MAGI2: variants seen among roughly 807,000 people sequenced by gnomAD.
The protein encoded by MAGI2 is membrane associated guanylate kinase, WW and PDZ domain containing 2.
In MAGI2, 35 loss-of-function variants were observed where a neutral mutation model predicts 133.3. The ratio of observed to expected loss-of-function variants is 0.26; its 90% CI spans 0.20 to 0.35. MAGI2 has a LOEUF of 0.35. Ranked by LOEUF, MAGI2 falls within the 10% of genes least tolerant of loss-of-function variation. MAGI2 has a pLI of 1.00. For synonymous variants in MAGI2, 729 were observed against 710.6 expected, an observed-to-expected ratio of 1.03 and a Z score of -0.41; for missense variants, 1,636 against 1,863.4, an observed-to-expected ratio of 0.88 and a Z score of 2.25.
At chr7:78,204,162 T>C (rs1253931712) in intron 10 of MAGI2, among the ~76,000 whole-genome samples, 1 of 152,218 alleles carries the variant, frequency 6.6e-6, no homozygotes, top group Non-Finnish European at 1.5e-5. Flanking sequence ...CCACACTCCA[T>C]GTGAATGGAA....
rs544133173 is a variant in MAGI2 at position 79,426,921 on chromosome 7, C to T, written c.301+26099G>A. 1.1e-4 allele frequency among the ~76,000 whole-genome samples: 17 copies of T among 152,102 alleles called. No homozygotes were observed. The East Asian group carries it at 3.3e-3, about 29-fold the overall frequency. ...AAATTAGGGCACTTCAACCTGTATGCCTGGATGGTTCTGCAGTTAGTTTTA... is the reference window on the plus strand; with the variant it reads ...AAATTAGGGCACTTCAACCTGTATGTCTGGATGGTTCTGCAGTTAGTTTTA... On this transcript the variant is annotated intron_variant, in intron 1 of 21. Coordinates refer to ENST00000354212, the MANE Select transcript of MAGI2 (RefSeq NM_012301.4).
At chr7:79,264,820 T>C (rs1834328197) in intron 1 of MAGI2, among the ~76,000 whole-genome samples, 4 of 151,642 alleles carry the variant, frequency 2.6e-5, no homozygotes, top group Non-Finnish European at 5.9e-5. Flanking sequence ...AGCCGGAGTG[T>C]ACAGAGGTCA....
intron 2 of MAGI2, among the ~76,000 whole-genome samples, chr7:78,969,451 G>A (rs1025159635): frequency 6.6e-6 from 1 of 152,004 alleles, no homozygotes; most frequent in Non-Finnish European, 1.5e-5. Flanking sequence ...CCAAGTGTGT[G>A]TTCGTGTCAT....
chr7:78,124,743 A>G (rs1346401433), intron 20 of MAGI2, among the ~76,000 whole-genome samples: 1 of 152,144 alleles, frequency 6.6e-6, no homozygotes, highest in East Asian at 1.9e-4. Context: ...TATTGTTAAC[A>G]AGCTTTGTTT....
At chr7:78,077,387 G>A (rs1055214973) in intron 21 of MAGI2, among the ~76,000 whole-genome samples, 6 of 149,244 alleles carry the variant, frequency 4.0e-5, no homozygotes, top group African/African-American at 1.5e-4. Context: ...GCAGGATCAT[G>A]CCTGTGCTTA....
At chr7:78,810,686 A>C (rs1434223778) in intron 2 of MAGI2, among the ~76,000 whole-genome samples, 5 of 152,086 alleles carry the variant, frequency 3.3e-5, no homozygotes, top group Non-Finnish European at 5.9e-5. Context: ...AGATAATGAC[A>C]ACATGACTCC....
At chr7:79,344,855 ATT>A (rs1841190579) in intron 1 of MAGI2, among the ~76,000 whole-genome samples, 1 of 152,080 alleles carries the variant, frequency 6.6e-6, no homozygotes, top group African/African-American at 2.4e-5. Flanking sequence ...AAGAGTTGAT[ATT>A]AGGGGAGTCA....
chr7:78,143,374 AC>A (rs1822960369), intron 16 of MAGI2, among the ~76,000 whole-genome samples: 1 of 152,176 alleles, frequency 6.6e-6, no homozygotes, highest in Non-Finnish European at 1.5e-5. Flanking sequence ...ATGCAAATCT[AC>A]CTTTTAAAGG....
intron 2 of MAGI2, among the ~76,000 whole-genome samples, chr7:78,832,470 G>T (rs972335086): frequency 1.3e-5 from 2 of 152,024 alleles, no homozygotes; most frequent in African/African-American, 4.8e-5. Context: ...TGTAAGGGCG[G>T]GTGGAAATAA....
At chr7:79,452,726 C>T (rs1246622018) in intron 1 of MAGI2, among the ~76,000 whole-genome samples, 1 of 152,142 alleles carries the variant, frequency 6.6e-6, no homozygotes, top group South Asian at 2.1e-4. Context: ...CACTGACGCA[C>T]ATTCAATTTG....
intron 2 of MAGI2, among the ~76,000 whole-genome samples, chr7:78,665,223 A>G (rs1813421805): frequency 6.6e-6 from 1 of 152,156 alleles, no homozygotes; most frequent in Non-Finnish European, 1.5e-5. Flanking sequence ...GATACGTGGT[A>G]TCAAATTTTT....
intron 1 of MAGI2, among the ~76,000 whole-genome samples, chr7:79,446,652 G>A (rs1183271201): frequency 1.3e-5 from 2 of 152,084 alleles, no homozygotes; most frequent in Non-Finnish European, 2.9e-5. Context: ...ATGGATCTTT[G>A]AAAGTATATC....
At position 78,139,493 on chromosome 7, in the gene MAGI2, C is replaced by T. The variant is rs77234516; in HGVS notation, c.2846-4287G>A. 3.0e-4 allele frequency among the ~76,000 whole-genome samples: 45 copies of T among 152,282 alleles called. No individual in the cohort carries two copies. In the East Asian group the frequency reaches 5.0e-3, roughly 17 times the overall value. ...TTTCAGTGCAATGCTAACGGAATTA[C>T]AGAGCAAGGAAGAGGCCCTGACCTT... is the stretch of plus-strand genomic sequence containing the variant. On this transcript the variant is annotated intron_variant, in intron 16 of 21. Coordinates refer to ENST00000354212, the MANE Select transcript of MAGI2 (RefSeq NM_012301.4).
At chr7:78,327,015 T>A (rs1480897177) in intron 9 of MAGI2, among the ~76,000 whole-genome samples, 3 of 152,194 alleles carry the variant, frequency 2.0e-5, no homozygotes, top group African/African-American at 7.2e-5. Context: ...CTGGCTGGCA[T>A]CCAGTGGCTG....
At chr7:79,207,797 C>G (rs1352258849) in intron 1 of MAGI2, among the ~76,000 whole-genome samples, 2 of 151,908 alleles carry the variant, frequency 1.3e-5, no homozygotes, top group African/African-American at 4.8e-5. Context: ...AACTACAAAG[C>G]CTTAGCAACC....
chr7:78,019,722 G>C lies in MAGI2; in HGVS notation c.3961C>G (p.Gln1321Glu). ...TCGAGCCTCGGCCGCGCGGCCCTCTGCGGACTCGCCGAGCGCTCCCTCTGC... is the reference window on the plus strand; with the variant it reads ...TCGAGCCTCGGCCGCGCGGCCCTCTCCGGACTCGCCGAGCGCTCCCTCTGC... Reference protein sequence around the residue: ...GEQRERSASPQRAARPRLEEA... With the variant: ...GEQRERSASPERAARPRLEEA... Residue 1321 changes from glutamine (Q) to glutamate (E), a missense_variant, in exon 22 of 22, where the codon CAG becomes GAG. By Grantham distance (29) the Gln-to-Glu change is conservative. Transcript: ENST00000354212. 1 of 1,604,700 alleles carries C rather than the reference G, an allele frequency of 6.2e-7. No individual in the cohort carries two copies. The highest frequency in any genetic ancestry group is 8.5e-7 in the Non-Finnish European group (1 of 1,178,226).
intron 1 of MAGI2, among the ~76,000 whole-genome samples, chr7:79,207,283 C>A (rs1223383473): frequency 6.6e-6 from 1 of 151,778 alleles, no homozygotes; most frequent in Non-Finnish European, 1.5e-5. Context: ...TTAAGTTGTC[C>A]CTGTTTGCAG....
intron 2 of MAGI2, among the ~76,000 whole-genome samples, chr7:78,897,581 T>C (rs894409384): frequency 6.6e-6 from 1 of 152,234 alleles, no homozygotes; most frequent in Non-Finnish European, 1.5e-5. Flanking sequence ...TCCAGCTTTG[T>C]TCATTTTGCT....
intron 6 of MAGI2, among the ~76,000 whole-genome samples, chr7:78,374,339 T>C (rs1794231184): frequency 6.6e-6 from 1 of 152,172 alleles, no homozygotes; most frequent in South Asian, 2.1e-4. Flanking sequence ...TTTATATGCT[T>C]GTTGGCCACT....
Sources: gnomAD v4.1 joint callset for allele counts (sites outside exome capture counted in the v4.1 genomes callset) on GRCh38, gnomAD v4.1.1 for gene constraint, MANE v1.5 for transcripts, NCBI Gene and HGNC (gene_info 2026-07-23, HGNC 2026-07-21) for gene names.